CLSTN2: variants seen among roughly 807,000 people sequenced by gnomAD.
CLSTN2 encodes calsyntenin-2.
In CLSTN2, 48 loss-of-function variants were observed where a neutral mutation model predicts 101.2. That is an observed-to-expected ratio of 0.47 (90% CI 0.38 to 0.60). The LOEUF (loss-of-function observed/expected upper bound fraction) is 0.60, where lower values mean the gene tolerates loss of function less well. Among genes scored for constraint, CLSTN2 ranks in the 20% least tolerant of loss-of-function variants. CLSTN2 has a pLI of 0.00. For missense variants in CLSTN2, 1,160 were observed against 1,238.2 expected (o/e 0.94, Z 0.95); for synonymous variants, 481 against 463.6 (o/e 1.04, Z -0.48).
At chr3:140,171,160 G>C (rs1020203018) in intron 1 of CLSTN2, among the ~76,000 whole-genome samples, 2 of 152,164 alleles carry the variant, frequency 1.3e-5, no homozygotes, top group African/African-American at 4.8e-5. Context: ...GAGCAAAGGA[G>C]TGTGGGGACA....
At chr3:140,480,768 C>T (rs1273452389) in intron 8 of CLSTN2, among the ~76,000 whole-genome samples, 1 of 152,156 alleles carries the variant, frequency 6.6e-6, no homozygotes, top group Non-Finnish European at 1.5e-5. Flanking sequence ...CTGTTCATAT[C>T]CTTCACCCAC....
intron 1 of CLSTN2, among the ~76,000 whole-genome samples, chr3:139,941,521 C>T (rs532271598): frequency 6.6e-6 from 1 of 152,322 alleles, no homozygotes; most frequent in East Asian, 1.9e-4. Context: ...CATCACACAT[C>T]ACACAAACTA....
intron 2 of CLSTN2, among the ~76,000 whole-genome samples, chr3:140,317,201 G>A (rs891795976): frequency 2.0e-5 from 3 of 152,228 alleles, no homozygotes; most frequent in East Asian, 3.9e-4. Flanking sequence ...GAAGTGTTGA[G>A]TGGACCAGAT....
chr3:140,230,103 C>T (rs943420309), intron 2 of CLSTN2, among the ~76,000 whole-genome samples: 1 of 152,022 alleles, frequency 6.6e-6, no homozygotes, highest in Non-Finnish European at 1.5e-5. Context: ...AGTAGATGCA[C>T]AGCCAGCGGA....
chr3:140,474,530 A>G (rs975793111), intron 8 of CLSTN2, among the ~76,000 whole-genome samples: 5 of 152,188 alleles, frequency 3.3e-5, no homozygotes, highest in Admixed American at 6.5e-5. Context: ...AGAAGTGGAA[A>G]AGAAACCTTT....
In CLSTN2 at chr3:140,073,769, A is replaced by G. The variant is rs1331887073; in HGVS notation, c.110-102182A>G. Among the ~76,000 whole-genome samples the G allele has an allele frequency of 2.6e-5, 4 of 152,214 alleles. No homozygotes were observed. The East Asian group carries it at 7.7e-4, about 29-fold the overall frequency. On this transcript the variant is annotated intron_variant, in intron 1 of 16. Transcript: ENST00000458420. ...ACGCACTTCCCTGCCTAGAAGTGCA[A>G]AGGGTGCATGGTTTAACTGTGGTTA...
intron 8 of CLSTN2, among the ~76,000 whole-genome samples, chr3:140,476,929 G>A (rs1934000234): frequency 6.6e-6 from 1 of 152,106 alleles, no homozygotes; most frequent in African/African-American, 2.4e-5. Context: ...AAAGTGCTGG[G>A]ATTACAGGTG....
At chr3:140,469,716 C>T (rs994261275) in intron 8 of CLSTN2, among the ~76,000 whole-genome samples, 2 of 152,126 alleles carry the variant, frequency 1.3e-5, no homozygotes, top group African/African-American at 4.8e-5. Context: ...CTCTTCTGTG[C>T]ATGTTATAGG....
chr3:140,394,284 T>G (rs1332039616), intron 2 of CLSTN2, among the ~76,000 whole-genome samples: 7 of 152,208 alleles, frequency 4.6e-5, no homozygotes, highest in Non-Finnish European at 1.0e-4. Context: ...ATTTTCAAAT[T>G]TATCAAGATG....
intron 10 of CLSTN2, among the ~76,000 whole-genome samples, chr3:140,548,246 G>A (rs938166556): frequency 2.0e-5 from 3 of 152,242 alleles, no homozygotes; most frequent in African/African-American, 7.2e-5. Flanking sequence ...GAGGAACTCA[G>A]TGACCCAAGC....
At chr3:140,463,243 C>G (rs1315907227) in intron 7 of CLSTN2, among the ~76,000 whole-genome samples, 5 of 152,220 alleles carry the variant, frequency 3.3e-5, no homozygotes, top group Non-Finnish European at 7.3e-5. Flanking sequence ...CCCTGGCATG[C>G]AGCCCTTTTC....
At chr3:140,165,401 T>C (rs1396969398) in intron 1 of CLSTN2, among the ~76,000 whole-genome samples, 1 of 152,302 alleles carries the variant, frequency 6.6e-6, no homozygotes, top group East Asian at 1.9e-4. Flanking sequence ...TTAGGAACTG[T>C]AGACATCGTC....
intron 1 of CLSTN2, among the ~76,000 whole-genome samples, chr3:140,069,531 C>T (rs2008356744): frequency 6.6e-6 from 1 of 152,178 alleles, no homozygotes; most frequent in African/African-American, 2.4e-5. Flanking sequence ...TATGACCCTT[C>T]CATGCCTGAA....
chr3:140,487,469 G>A (rs964138935), intron 8 of CLSTN2, among the ~76,000 whole-genome samples: 7 of 152,176 alleles, frequency 4.6e-5, no homozygotes, highest in African/African-American at 1.4e-4. Flanking sequence ...CCCCTTCTCT[G>A]TATCAGTGAG....
intron 2 of CLSTN2, among the ~76,000 whole-genome samples, chr3:140,230,929 C>T (rs2107859905): frequency 6.6e-6 from 1 of 152,254 alleles, no homozygotes; most frequent in South Asian, 2.1e-4. Context: ...ACCTTGTAGG[C>T]TCTCAGGAGG....
At chr3:140,537,096 G>A (rs1011976978) in intron 9 of CLSTN2, among the ~76,000 whole-genome samples, 11 of 152,160 alleles carry the variant, frequency 7.2e-5, no homozygotes, top group African/African-American at 2.4e-4. Context: ...TAATCTCTCT[G>A]TGTGAACCTT....
intron 9 of CLSTN2, among the ~76,000 whole-genome samples, chr3:140,541,718 C>T (rs1935481641): frequency 6.6e-6 from 1 of 152,188 alleles, no homozygotes; most frequent in Non-Finnish European, 1.5e-5. Context: ...CTGCTCTGCA[C>T]CTCGGATGTC....
At chr3:139,977,508 A>ACTAGTACAC (rs3065255) in intron 1 of CLSTN2, among the ~76,000 whole-genome samples, 74,132 of 151,760 alleles carry the variant, frequency 0.49, 18,680 homozygotes, top group Non-Finnish European at 0.54. Context: ...AACAGTATCA[A>ACTAGTACAC]CTGTGCTGTT....
intron 2 of CLSTN2, among the ~76,000 whole-genome samples, chr3:140,255,285 C>T (rs1357123784): frequency 6.6e-6 from 1 of 152,160 alleles, no homozygotes; most frequent in Non-Finnish European, 1.5e-5. Flanking sequence ...TTTGACCCAG[C>T]AATCTCACAT....
Sources: gnomAD v4.1 joint callset for allele counts (sites outside exome capture counted in the v4.1 genomes callset) on GRCh38, gnomAD v4.1.1 for gene constraint, MANE v1.5 for transcripts, NCBI Gene and HGNC (gene_info 2026-07-23, HGNC 2026-07-21) for gene names.